Variants in MMP16 observed in about 807,000 individuals in gnomAD.
The protein encoded by MMP16 is matrix metalloproteinase-16.
In MMP16, 12 loss-of-function variants were observed where a neutral mutation model predicts 67.8. The observed-to-expected ratio is 0.18, with a 90% CI of 0.11 to 0.29. The LOEUF (loss-of-function observed/expected upper bound fraction) is 0.29, where lower values mean the gene tolerates loss of function less well. MMP16 is among the 10% of genes least tolerant of loss of function. The pLI is 1.00. For missense variants in MMP16, 475 were observed against 765.7 expected, an observed-to-expected ratio of 0.62 and a Z score of 4.48; for synonymous variants, 249 against 255.9, an observed-to-expected ratio of 0.97 and a Z score of 0.26.
intron 4 of MMP16, among the ~76,000 whole-genome samples, chr8:88,149,231 T>C (rs927222756): frequency 1.3e-5 from 2 of 152,170 alleles, no homozygotes; most frequent in African/African-American, 4.8e-5. Context: ...ATCTCGCTGA[T>C]TGCTAGCACA....
chr8:88,262,462 GT>G (rs1810401656), intron 1 of MMP16, among the ~76,000 whole-genome samples: 1 of 152,090 alleles, frequency 6.6e-6, no homozygotes, highest in South Asian at 2.1e-4. Flanking sequence ...ACTCACTTTT[GT>G]TTTACTGTTT....
intron 1 of MMP16, among the ~76,000 whole-genome samples, chr8:88,239,399 C>T (rs1009097708): frequency 1.3e-5 from 2 of 151,230 alleles, no homozygotes; most frequent in Non-Finnish European, 2.9e-5. Context: ...AACTTGTCAT[C>T]GAGTGAAATA....
intron 1 of MMP16, among the ~76,000 whole-genome samples, chr8:88,278,150 T>C (rs1274711445): frequency 1.3e-5 from 2 of 152,218 alleles, no homozygotes; most frequent in East Asian, 3.8e-4. Flanking sequence ...TCTCTTACTT[T>C]ATAAACCATC....
intron 1 of MMP16, among the ~76,000 whole-genome samples, chr8:88,281,905 A>G (rs947665026): frequency 1.3e-5 from 2 of 152,128 alleles, no homozygotes; most frequent in African/African-American, 4.8e-5. Context: ...AAGCTCTTCT[A>G]TGTCCACAAG....
chr8:88,200,901 A>G (rs527946596), intron 1 of MMP16, among the ~76,000 whole-genome samples: 3 of 152,104 alleles, frequency 2.0e-5, no homozygotes, highest in African/African-American at 7.2e-5. Context: ...ATTTTTTAAA[A>G]TATGTATCCT....
chr8:88,246,769 T>C (rs955492234), intron 1 of MMP16, among the ~76,000 whole-genome samples: 2 of 152,158 alleles, frequency 1.3e-5, no homozygotes, highest in Non-Finnish European at 2.9e-5. Context: ...TGTGATACTA[T>C]TTAATTAGAA....
chr8:88,214,450 A>G (rs1277624024), intron 1 of MMP16, among the ~76,000 whole-genome samples: 1 of 152,136 alleles, frequency 6.6e-6, no homozygotes, highest in African/African-American at 2.4e-5. Context: ...ACTCATCTCT[A>G]TCTCACTATC....
chr8:88,327,368 C>T lies in MMP16; in HGVS notation c.-162G>A. The T allele has an allele frequency of 1.3e-6, 1 of 783,662 alleles. No individual in the cohort carries two copies. Among genetic ancestry groups the T allele is most frequent in the Non-Finnish European group, 2.0e-6 (1 of 500,888 alleles). The allele number at this position is 783,662 out of a possible 1,614,324, so 48.5% of individuals were successfully genotyped here. A position where few individuals can be genotyped will look rare whatever the true frequency, so the allele number is the denominator to read the frequency against. ...AAGGGGAGGAGACAGGGGCCCCGCGCTCGGCAGCCCCCGAGAGGCAGCGGC... is the reference window on the plus strand; with the variant it reads ...AAGGGGAGGAGACAGGGGCCCCGCGTTCGGCAGCCCCCGAGAGGCAGCGGC... On this transcript the variant is annotated 5_prime_UTR_variant, in exon 1 of 10. Transcript: ENST00000286614.
At chr8:88,125,303 C>T (rs1807908742) in intron 4 of MMP16, among the ~76,000 whole-genome samples, 1 of 151,024 alleles carries the variant, frequency 6.6e-6, no homozygotes, top group Non-Finnish European at 1.5e-5. Flanking sequence ...ATTTATTCAG[C>T]AATTAAAGAG....
chr8:88,184,531 C>T (rs1438459269), intron 3 of MMP16, among the ~76,000 whole-genome samples: 1 of 125,562 alleles, frequency 8.0e-6, no homozygotes, highest in African/African-American at 3.1e-5. Context: ...GAGTTCAAGA[C>T]CAGCCTGGGC....
At position 88,116,529 on chromosome 8, in the gene MMP16, C is replaced by T. The variant is rs138174209; in HGVS notation, c.1061G>A (p.Arg354His). 3.0e-5 allele frequency: 49 copies of T among 1,613,072 alleles called. No homozygotes were observed. The highest frequency in any genetic ancestry group is 1.6e-4 in the Middle Eastern group (1 of 6,078). Residue 354 changes from arginine (R) to histidine (H), a missense_variant, in exon 6 of 10, where the codon CGT becomes CAT. Physicochemically the swap from Arg to His is conservative, Grantham distance 29. Around this residue, in one of 5 missense-constraint regions of MMP16, gnomAD observed 195 missense variants for 300.9 expected, o/e 0.65. Coordinates refer to ENST00000286614, the MANE Select transcript of MMP16 (RefSeq NM_005941.5). The part of the protein sequence containing the change: ...DGNFNTLAIL[R>H]REMFVFKDQW... ...TACCTTGAAAACAAACATCTCACGA[C>T]GAAGAATAGCTAGAGTGTTAAAGTT... is the stretch of plus-strand genomic sequence containing the variant.
At chr8:88,222,705 TAA>T (rs1218045836) in intron 1 of MMP16, among the ~76,000 whole-genome samples, 2 of 152,126 alleles carry the variant, frequency 1.3e-5, no homozygotes, top group African/African-American at 4.8e-5. Context: ...CAAGATGGAT[TAA>T]AGACTTAAAT....
chr8:88,299,882 A>C (rs1368433101), intron 1 of MMP16, among the ~76,000 whole-genome samples: 1 of 152,224 alleles, frequency 6.6e-6, no homozygotes, highest in African/African-American at 2.4e-5. Flanking sequence ...TCATGCCTAC[A>C]TCCCATGTCT....
At chr8:88,102,727 T>TA (rs977692349) in intron 6 of MMP16, among the ~76,000 whole-genome samples, 1 of 151,738 alleles carries the variant, frequency 6.6e-6, no homozygotes, top group Non-Finnish European at 1.5e-5. Flanking sequence ...CTCATTCGCA[T>TA]AAAAAAAGAT....
At chr8:88,126,770 C>T (rs1807939897) in intron 4 of MMP16, among the ~76,000 whole-genome samples, 1 of 151,818 alleles carries the variant, frequency 6.6e-6, no homozygotes, top group Non-Finnish European at 1.5e-5. Flanking sequence ...ATTTAGTAAA[C>T]TACTAACCTC....
chr8:88,100,806 GA>G (rs949850642), intron 6 of MMP16, among the ~76,000 whole-genome samples: 2 of 151,992 alleles, frequency 1.3e-5, no homozygotes, highest in Non-Finnish European at 2.9e-5. Context: ...CATAAAGAAG[GA>G]TGAGTTCATG....
intron 4 of MMP16, among the ~76,000 whole-genome samples, chr8:88,144,226 A>G (rs1252683173): frequency 6.6e-6 from 1 of 152,014 alleles, no homozygotes; most frequent in African/African-American, 2.4e-5. Context: ...AACATACCAG[A>G]GCTAAATGAT....
rs1188712246 is a variant in MMP16, at chr8:88,153,937, A to G, written c.709+13732T>C. ...CATCAGAGTGAACAGGCAACCTACA[A>G]AATGGTAGAAAATTTTCACAACCTA... On this transcript the variant is annotated intron_variant, in intron 4 of 9. Transcript: ENST00000286614. Among the ~76,000 whole-genome samples the G allele has an allele frequency of 4.0e-5, 6 of 150,954 alleles. No individual in the cohort carries two copies. In the East Asian group the frequency reaches 9.7e-4, roughly 24 times the overall value.
At chr8:88,274,190 T>C (rs1810609644) in intron 1 of MMP16, among the ~76,000 whole-genome samples, 1 of 152,092 alleles carries the variant, frequency 6.6e-6, no homozygotes, top group South Asian at 2.1e-4. Flanking sequence ...TTTTCAGGTA[T>C]GTTCAATTAC....
Sources: gnomAD v4.1 joint callset for allele counts (sites outside exome capture counted in the v4.1 genomes callset) on GRCh38, gnomAD v4.1.1 for gene constraint, gnomAD v4.1.1 regional missense constraint, MANE v1.5 for transcripts, NCBI Gene and HGNC (gene_info 2026-07-23, HGNC 2026-07-21) for gene names.